Variants in ABCC4 observed in about 807,000 individuals in gnomAD.
ABCC4 encodes ATP-binding cassette sub-family C member 4.
A neutral mutation model predicts 168.5 loss-of-function variants in ABCC4; 102 were observed. The ratio of observed to expected loss-of-function variants is 0.61; its 90% CI spans 0.52 to 0.71. ABCC4 has a LOEUF of 0.71. Among genes scored for constraint, ABCC4 ranks in the 30% least tolerant of loss-of-function variants. The pLI, the probability that ABCC4 is intolerant of heterozygous loss-of-function variation, is 0.00. For missense variants in ABCC4, 1,402 were observed against 1,605.8 expected, an observed-to-expected ratio of 0.87 and a Z score of 2.17; for synonymous variants, 617 against 590.7, an observed-to-expected ratio of 1.04 and a Z score of -0.65.
intron 14 of ABCC4, among the ~76,000 whole-genome samples, chr13:95,168,548 G>C (rs957486749): frequency 6.6e-6 from 1 of 152,188 alleles, no homozygotes; most frequent in Non-Finnish European, 1.5e-5. Flanking sequence ...TTGGAGAACG[G>C]TGCACACAGA....
intron 19 of ABCC4, among the ~76,000 whole-genome samples, chr13:95,118,789 T>C (rs535582729): frequency 6.6e-6 from 1 of 152,340 alleles, no homozygotes; most frequent in African/African-American, 2.4e-5. Flanking sequence ...ACTGTTCTGT[T>C]AGACAAGGCT....
chr13:95,105,641 A>G (rs2034976890), intron 20 of ABCC4, among the ~76,000 whole-genome samples: 1 of 152,158 alleles, frequency 6.6e-6, no homozygotes, highest in South Asian at 2.1e-4. Context: ...CTGAAACACA[A>G]TCAGGTTTCC....
At chr13:95,297,695 G>T (rs2041570969) in intron 1 of ABCC4, among the ~76,000 whole-genome samples, 1 of 152,214 alleles carries the variant, frequency 6.6e-6, no homozygotes, top group Non-Finnish European at 1.5e-5. Flanking sequence ...TACAGACCCA[G>T]TGTGGTGGTT....
chr13:95,296,685 C>A (rs1161964909), intron 1 of ABCC4, among the ~76,000 whole-genome samples: 2 of 152,082 alleles, frequency 1.3e-5, no homozygotes, highest in Non-Finnish European at 2.9e-5. Flanking sequence ...TGCTGCTGAC[C>A]CCAGATCACC....
intron 8 of ABCC4, among the ~76,000 whole-genome samples, chr13:95,204,835 A>G (rs1370871696): frequency 6.6e-6 from 1 of 152,124 alleles, no homozygotes; most frequent in African/African-American, 2.4e-5. Flanking sequence ...ATCTCCTTCA[A>G]TTGTGAGGAT....
chr13:95,221,890 A>G (rs2039319729), intron 4 of ABCC4, among the ~76,000 whole-genome samples: 1 of 152,230 alleles, frequency 6.6e-6, no homozygotes, highest in Non-Finnish European at 1.5e-5. Context: ...CTTTCAAGGA[A>G]GCCACGTCCA....
At chr13:95,188,314 G>A (rs955737073) in intron 10 of ABCC4, 139 bp downstream of exon 10, 17 of 751,062 alleles carry the variant, frequency 2.3e-5, no homozygotes, top group South Asian at 2.2e-4. Flanking sequence ...CTTGCAAAAC[G>A]AATGTTCCAT....
At chr13:95,294,742 C>G (rs2041484457) in intron 1 of ABCC4, among the ~76,000 whole-genome samples, 1 of 152,084 alleles carries the variant, frequency 6.6e-6, no homozygotes, top group Admixed American at 6.6e-5. Context: ...CACCCGAGGT[C>G]AGGAGTTCAA....
intron 4 of ABCC4, among the ~76,000 whole-genome samples, chr13:95,214,880 A>C (rs1201304506): frequency 1.0e-5 from 1 of 97,336 alleles, no homozygotes; most frequent in African/African-American, 4.1e-5. Context: ...GTGAGACTCC[A>C]ATTCAAAAAA....
chr13:95,032,491 C>T lies in ABCC4; in HGVS notation c.3870+2114G>A, dbSNP rs183413682. On this transcript the variant is annotated intron_variant, in intron 30 of 30. Coordinates refer to ENST00000645237, the MANE Select transcript of ABCC4 (RefSeq NM_005845.5). ...GTGCACACAAAGGCATTTATAGAAT[C>T]GTTTTGAGGATAAATGCAGGATTCA... 3.0e-4 allele frequency among the ~76,000 whole-genome samples: 46 copies of T among 152,242 alleles called. No homozygotes were observed. The East Asian group carries it at 5.2e-3, about 17-fold the overall frequency.
chr13:95,196,596 G>A (rs1371125864), intron 8 of ABCC4, among the ~76,000 whole-genome samples: 101 of 7,062 alleles, frequency 0.014, 1 homozygote, highest in African/African-American at 0.049. Context: ...AAGGAAGGAA[G>A]GAAGGAAGGA....
At chr13:95,266,207 T>G (rs1286197061) in intron 1 of ABCC4, 1 of 152,248 alleles carries the variant, frequency 6.6e-6, no homozygotes, top group Non-Finnish European at 1.5e-5. Flanking sequence ...TCCTGGATTA[T>G]CCAAGTGGGT....
At chr13:95,240,798 C>G (rs1217566054) in intron 3 of ABCC4, among the ~76,000 whole-genome samples, 1 of 152,024 alleles carries the variant, frequency 6.6e-6, no homozygotes, top group Non-Finnish European at 1.5e-5. Flanking sequence ...TGGTAAAACC[C>G]TGTCTCTACT....
At position 95,283,898 on chromosome 13, in the gene ABCC4, C is replaced by CA. The variant is rs148305156; in HGVS notation, c.74+17342dup. On this transcript the variant is annotated intron_variant, in intron 1 of 30. Transcript: ENST00000645237. ...GGGCAACAAGAGCGAAACTCCGTCT[C>CA]AAAAAAAAAAAAAGAGTGGCGCCAG... Among the ~76,000 whole-genome samples, 974 of 120,350 alleles carry CA rather than the reference C, an allele frequency of 8.1e-3. 7 individuals carry two copies. Among genetic ancestry groups the CA allele is most frequent in the African/African-American group, 0.026 (835 of 31,726 alleles). The allele number at this position is 120,350 out of a possible 152,430, so 79.0% of individuals were successfully genotyped here. A position where few individuals can be genotyped will look rare whatever the true frequency, so the allele number is the denominator to read the frequency against.
At chr13:95,177,175 T>G (rs963016047) in intron 13 of ABCC4, among the ~76,000 whole-genome samples, 1 of 152,194 alleles carries the variant, frequency 6.6e-6, no homozygotes, top group Non-Finnish European at 1.5e-5. Flanking sequence ...AAATTCTAGA[T>G]TTTACTAGTA....
At chr13:95,159,877 A>C (rs2037033282) in intron 19 of ABCC4, among the ~76,000 whole-genome samples, 1 of 152,170 alleles carries the variant, frequency 6.6e-6, no homozygotes, top group Non-Finnish European at 1.5e-5. Flanking sequence ...GGTAGGAGTA[A>C]TTTCCACCCC....
rs115928027 is a variant in ABCC4 at position 95,062,940 on chromosome 13, G to A, written c.3211-81C>T. The stretch of plus-strand genomic sequence containing the variant: ...GCAGCAAAACTAGGAGAAAACTTTC[G>A]GTTTTTGAAGAAGAATTAAGGACAT... On this transcript the variant is annotated intron_variant, in intron 25 of 30. Coordinates refer to ENST00000645237, the MANE Select transcript of ABCC4 (RefSeq NM_005845.5). 1,324 of 1,489,234 alleles carry A rather than the reference G, an allele frequency of 8.9e-4. 10 individuals carry two copies. In the African/African-American group the frequency reaches 0.016, roughly 18 times the overall value. 92.3% of individuals were successfully genotyped at this position (1,489,234 alleles called of 1,614,324 possible). A position where few individuals can be genotyped will look rare whatever the true frequency, so the allele number is the denominator to read the frequency against.
At chr13:95,180,911 T>C (rs1161565059) in intron 11 of ABCC4, among the ~76,000 whole-genome samples, 1 of 152,108 alleles carries the variant, frequency 6.6e-6, no homozygotes, top group Non-Finnish European at 1.5e-5. Context: ...CGACCTTGAG[T>C]GTTGTTGACT....
chr13:95,117,920 A>C (rs1006012684), intron 19 of ABCC4, among the ~76,000 whole-genome samples: 1 of 152,122 alleles, frequency 6.6e-6, no homozygotes, highest in African/African-American at 2.4e-5. Context: ...CTCTACAAAA[A>C]AGAAAAGAAG....
Sources: allele counts gnomAD v4.1 joint callset (sites outside exome capture counted in the v4.1 genomes callset), GRCh38; gene constraint gnomAD v4.1.1; transcripts MANE v1.5; gene names NCBI Gene and HGNC (gene_info 2026-07-23, HGNC 2026-07-21).